Variants in GRIA4 observed in about 807,000 individuals in gnomAD.
The protein encoded by GRIA4 is glutamate receptor 4.
GRIA4 carries 34 observed loss-of-function variants against 104.0 expected under a neutral mutation model. The observed-to-expected ratio is 0.33, with a 90% CI of 0.25 to 0.44. GRIA4 has a LOEUF of 0.44. GRIA4 is among the 20% of genes least tolerant of loss of function. The pLI, the probability that GRIA4 is intolerant of heterozygous loss-of-function variation, is 1.00. For synonymous variants in GRIA4, 386 were observed against 381.9 expected, an observed-to-expected ratio of 1.01 and a Z score of -0.13; for missense variants, 750 against 1,096.5, an observed-to-expected ratio of 0.68 and a Z score of 4.46.
At chr11:105,820,053 C>T (rs779405039) in intron 4 of GRIA4, among the ~76,000 whole-genome samples, 7 of 152,014 alleles carry the variant, frequency 4.6e-5, no homozygotes, top group Admixed American at 6.6e-5. Flanking sequence ...GGAAAACCAC[C>T]AGAAACTAGG....
intron 4 of GRIA4, among the ~76,000 whole-genome samples, chr11:105,814,503 T>G (rs546983171): frequency 6.6e-6 from 1 of 152,292 alleles, no homozygotes; most frequent in African/African-American, 2.4e-5. Flanking sequence ...TGTGTAGGCT[T>G]GAGCAAGTTA....
At chr11:105,740,992 G>A (rs1398050758) in intron 3 of GRIA4, among the ~76,000 whole-genome samples, 2 of 152,132 alleles carry the variant, frequency 1.3e-5, no homozygotes, top group African/African-American at 4.8e-5. Context: ...CTGTTGAGAG[G>A]AGCATAATTA....
intron 14 of GRIA4, among the ~76,000 whole-genome samples, chr11:105,947,064 G>A (rs1483179189): frequency 1.3e-5 from 2 of 152,086 alleles, no homozygotes; most frequent in Non-Finnish European, 2.9e-5. Flanking sequence ...TATGTGATTA[G>A]GAACTTACAT....
At chr11:105,835,173 T>C (rs79639939) in intron 4 of GRIA4, among the ~76,000 whole-genome samples, 1 of 151,906 alleles carries the variant, frequency 6.6e-6, no homozygotes, top group Non-Finnish European at 1.5e-5. Context: ...TATACTTAAT[T>C]ATTTAAAAAT....
chr11:105,822,640 T>C (rs1415028167), intron 4 of GRIA4, among the ~76,000 whole-genome samples: 2 of 152,134 alleles, frequency 1.3e-5, no homozygotes, highest in Admixed American at 1.3e-4. Flanking sequence ...AATTTTGTTT[T>C]GCTTTGGTAA....
At chr11:105,656,964 A>G (rs553037510) in intron 3 of GRIA4, among the ~76,000 whole-genome samples, 3 of 152,186 alleles carry the variant, frequency 2.0e-5, no homozygotes, top group African/African-American at 7.2e-5. Context: ...CTGATAATTG[A>G]ATGAAATGGT....
chr11:105,804,917 G>T (rs1428251453), intron 4 of GRIA4, among the ~76,000 whole-genome samples: 3 of 151,798 alleles, frequency 2.0e-5, no homozygotes, highest in African/African-American at 7.2e-5. Flanking sequence ...AAAAATGACT[G>T]CCAAGAATAA....
At chr11:105,646,154 G>A (rs970120795) in intron 3 of GRIA4, among the ~76,000 whole-genome samples, 5 of 152,152 alleles carry the variant, frequency 3.3e-5, no homozygotes, top group African/African-American at 9.7e-5. Context: ...TATCAAACAT[G>A]CAATAATTTG....
intron 4 of GRIA4, among the ~76,000 whole-genome samples, chr11:105,803,107 T>G (rs1459459095): frequency 6.6e-6 from 1 of 152,044 alleles, no homozygotes; most frequent in Non-Finnish European, 1.5e-5. Context: ...ATTACATTAA[T>G]ATCTCCGTGT....
chr11:105,929,498 T>C (rs1416602872), intron 13 of GRIA4, among the ~76,000 whole-genome samples: 3 of 152,172 alleles, frequency 2.0e-5, no homozygotes, highest in Non-Finnish European at 2.9e-5. Context: ...AGTCTGTACT[T>C]GTCACTTAAT....
intron 3 of GRIA4, among the ~76,000 whole-genome samples, chr11:105,624,609 T>C (rs1004845886): frequency 1.3e-5 from 2 of 152,112 alleles, no homozygotes; most frequent in Admixed American, 1.3e-4. Flanking sequence ...CCTTGGTTAA[T>C]TACTTAATCT....
At chr11:105,855,565 T>C (rs1039252620) in intron 4 of GRIA4, among the ~76,000 whole-genome samples, 6 of 152,146 alleles carry the variant, frequency 3.9e-5, no homozygotes, top group Non-Finnish European at 8.8e-5. Context: ...GTAATTATGC[T>C]AGATATTTAT....
chr11:105,633,846 A>T (rs1220926585), intron 3 of GRIA4, among the ~76,000 whole-genome samples: 3 of 152,144 alleles, frequency 2.0e-5, no homozygotes, highest in African/African-American at 7.2e-5. Flanking sequence ...GAGCCTCAAA[A>T]CGATGCTGAG....
At chr11:105,623,090 T>TATATATATATAC (rs1377161261) in intron 3 of GRIA4, among the ~76,000 whole-genome samples, 3 of 123,210 alleles carry the variant, frequency 2.4e-5, no homozygotes, top group African/African-American at 5.7e-5. Context: ...TATATATATA[T>TATATATATATAC]ACCATATTTT....
Position 105,752,884 on chromosome 11 carries a change from A to G in GRIA4, c.248-97A>G, listed in dbSNP as rs1451319685. On this transcript the variant is annotated intron_variant, in intron 3 of 16. Transcript: ENST00000282499. ...ATACTCCTGACAGATCCAATGATTCAGTGATTTTTATTTTTTTAATTTTCT... is the reference window on the plus strand; with the variant it reads ...ATACTCCTGACAGATCCAATGATTCGGTGATTTTTATTTTTTTAATTTTCT... The G allele has an allele frequency of 8.1e-6, 9 of 1,105,968 alleles. No individual in the cohort carries two copies. In the Admixed American group the frequency reaches 1.5e-4, roughly 19 times the overall value. The allele number at this position is 1,105,968 out of a possible 1,614,324, so 68.5% of individuals were successfully genotyped here. A position where few individuals can be genotyped will look rare whatever the true frequency, so the allele number is the denominator to read the frequency against.
chr11:105,766,521 C>CTT (rs918775561), intron 4 of GRIA4, among the ~76,000 whole-genome samples: 1 of 152,090 alleles, frequency 6.6e-6, no homozygotes, highest in Non-Finnish European at 1.5e-5. Context: ...AGTAACATTA[C>CTT]TTTTTAACTT....
At chr11:105,739,993 A>T (rs1295854068) in intron 3 of GRIA4, among the ~76,000 whole-genome samples, 1 of 152,138 alleles carries the variant, frequency 6.6e-6, no homozygotes, top group Non-Finnish European at 1.5e-5. Flanking sequence ...TGTGTTTGAC[A>T]CTCAATTCTA....
chr11:105,907,103 C>T (rs1947067026), intron 9 of GRIA4, among the ~76,000 whole-genome samples: 1 of 152,176 alleles, frequency 6.6e-6, no homozygotes, highest in South Asian at 2.1e-4. Context: ...AAAAAGAAAG[C>T]TGGTGCTAAC....
intron 14 of GRIA4, among the ~76,000 whole-genome samples, chr11:105,960,978 GT>G (rs896445814): frequency 6.6e-6 from 1 of 152,102 alleles, no homozygotes; most frequent in African/African-American, 2.4e-5. Flanking sequence ...GGATACCTTG[GT>G]TGCCTGTGAA....
Sources: gnomAD v4.1 joint callset for allele counts (sites outside exome capture counted in the v4.1 genomes callset) on GRCh38, gnomAD v4.1.1 for gene constraint, MANE v1.5 for transcripts, NCBI Gene and HGNC (gene_info 2026-07-23, HGNC 2026-07-21) for gene names.